Variants in PTPRD observed in about 807,000 individuals in gnomAD.
The protein encoded by PTPRD is protein tyrosine phosphatase receptor type D.
A neutral mutation model predicts 214.5 loss-of-function variants in PTPRD; 34 were observed. That is an observed-to-expected ratio of 0.16 (90% CI 0.12 to 0.21). The LOEUF (loss-of-function observed/expected upper bound fraction) is 0.21. Ranked by LOEUF, PTPRD falls within the 10% of genes least tolerant of loss-of-function variation. PTPRD has a pLI of 1.00. For synonymous variants in PTPRD, 1,128 were observed against 845.7 expected, an observed-to-expected ratio of 1.33 and a Z score of -5.79; for missense variants, 2,545 against 2,398.7, an observed-to-expected ratio of 1.06 and a Z score of -1.27.
At chr9:10,065,904 T>A (rs2097871632) in intron 3 of PTPRD, among the ~76,000 whole-genome samples, 1 of 151,992 alleles carries the variant, frequency 6.6e-6, no homozygotes, top group Non-Finnish European at 1.5e-5. Flanking sequence ...TTAGTATTTC[T>A]TTGATGTTAC....
chr9:9,078,650 T>A lies in PTPRD; in HGVS notation c.-142-59915A>T, dbSNP rs575480097. On this transcript the variant is annotated intron_variant, in intron 10 of 45. Coordinates refer to ENST00000381196, the MANE Select transcript of PTPRD (RefSeq NM_002839.4). ...AAAGGAGTTGTGTTTAGAAGGTTTT[T>A]TTTACTGGGGAGTGTTCTCAGGAGA... Among the ~76,000 whole-genome samples the A allele has an allele frequency of 1.2e-4, 18 of 151,932 alleles. No individual in the cohort carries two copies. In the South Asian group the frequency reaches 3.3e-3, roughly 28 times the overall value.
At chr9:10,350,126 T>G (rs2097157558) in intron 2 of PTPRD, among the ~76,000 whole-genome samples, 1 of 151,796 alleles carries the variant, frequency 6.6e-6, no homozygotes, top group African/African-American at 2.4e-5. Context: ...ACCCATTTCA[T>G]TGGTGTGCAG....
intron 12 of PTPRD, among the ~76,000 whole-genome samples, chr9:8,693,319 G>A (rs550963218): frequency 2.6e-5 from 4 of 152,188 alleles, no homozygotes; most frequent in African/African-American, 9.6e-5. Context: ...ACTCCCACAC[G>A]GGATCATTCA....
intron 2 of PTPRD, among the ~76,000 whole-genome samples, chr9:10,345,781 G>C (rs574542698): frequency 6.6e-6 from 1 of 152,186 alleles, no homozygotes; most frequent in Non-Finnish European, 1.5e-5. Flanking sequence ...TATAATCCCA[G>C]TAATGGGATT....
chr9:9,027,129 C>A (rs2099590028), intron 10 of PTPRD, among the ~76,000 whole-genome samples: 1 of 151,708 alleles, frequency 6.6e-6, no homozygotes, highest in Non-Finnish European at 1.5e-5. Context: ...TGCATGACAT[C>A]TGGCATACAT....
chr9:8,376,573 A>G (rs13284080), intron 38 of PTPRD, 34 bp downstream of exon 38: 1 of 1,611,802 alleles, frequency 6.2e-7, no homozygotes, highest in Non-Finnish European at 8.5e-7. Context: ...ACAATAGAGA[A>G]GGGAAAGGGA....
chr9:9,880,012 A>C (rs2068132930), intron 5 of PTPRD, among the ~76,000 whole-genome samples: 1 of 152,048 alleles, frequency 6.6e-6, no homozygotes, highest in Non-Finnish European at 1.5e-5. Context: ...CCCCACCCAA[A>C]TCTCATCTCT....
intron 11 of PTPRD, among the ~76,000 whole-genome samples, chr9:8,789,842 T>C (rs1389743915): frequency 6.6e-6 from 1 of 152,118 alleles, no homozygotes; most frequent in Non-Finnish European, 1.5e-5. Context: ...AAATTAACAC[T>C]ATAAAACATT....
intron 10 of PTPRD, among the ~76,000 whole-genome samples, chr9:9,159,763 G>A (rs1053465412): frequency 6.6e-6 from 1 of 152,072 alleles, no homozygotes; most frequent in African/African-American, 2.4e-5. Context: ...AACTATTTGA[G>A]CAAAAAGAAT....
intron 11 of PTPRD, among the ~76,000 whole-genome samples, chr9:8,849,171 ATTTTTTTTTTT>A (rs746565485): frequency 0.011 from 1,247 of 108,758 alleles, 18 homozygotes; most frequent in African/African-American, 0.037. Flanking sequence ...TCAAAAAAAA[ATTTTTTTTTTT>A]TTTTTTTTTT....
At chr9:9,108,941 C>G (rs569018700) in intron 10 of PTPRD, among the ~76,000 whole-genome samples, 2 of 152,100 alleles carry the variant, frequency 1.3e-5, no homozygotes, top group East Asian at 1.9e-4. Context: ...CTTAGAGATA[C>G]GACTGGCATC....
At chr9:10,422,936 C>T (rs1019301690) in intron 2 of PTPRD, among the ~76,000 whole-genome samples, 18 of 151,976 alleles carry the variant, frequency 1.2e-4, no homozygotes, top group African/African-American at 4.3e-4. Flanking sequence ...ACCATTTGAC[C>T]CAGCCATCCC....
chr9:9,626,502 G>A (rs1225548535), intron 7 of PTPRD, among the ~76,000 whole-genome samples: 1 of 152,126 alleles, frequency 6.6e-6, no homozygotes, highest in Non-Finnish European at 1.5e-5. Context: ...ATTGAAACCT[G>A]TGTTGGCACT....
At chr9:10,170,793 C>T (rs889580437) in intron 3 of PTPRD, among the ~76,000 whole-genome samples, 8 of 152,144 alleles carry the variant, frequency 5.3e-5, no homozygotes, top group African/African-American at 1.9e-4. Flanking sequence ...CTTCCAGTTG[C>T]TTTTCTATGT....
rs188258554 is a variant in PTPRD at position 8,491,918 on chromosome 9, G to C, written c.2467+944C>G. Among the ~76,000 whole-genome samples, 507 of 152,226 alleles carry C rather than the reference G, an allele frequency of 3.3e-3. 5 individuals carry two copies. The highest frequency in any genetic ancestry group is 2.1e-3 in the Non-Finnish European group (146 of 68,028). ...TTCGGGCAGAGTAAATCAAATCATG[G>C]TTTACATGTTCACGGGAGATTGCCA... On this transcript the variant is annotated intron_variant, in intron 27 of 45. Transcript: ENST00000381196.
chr9:9,548,412 T>C (rs867023032), intron 8 of PTPRD, among the ~76,000 whole-genome samples: 18 of 148,810 alleles, frequency 1.2e-4, no homozygotes, highest in South Asian at 1.1e-3. Context: ...TTTCTTTTTT[T>C]TTTTTTTTTT....
intron 14 of PTPRD, among the ~76,000 whole-genome samples, chr9:8,630,899 A>G (rs953938259): frequency 6.6e-6 from 1 of 151,196 alleles, no homozygotes; most frequent in Non-Finnish European, 1.5e-5. Context: ...CATGACTGCC[A>G]TTAATTCCTT....
At position 8,493,958 on chromosome 9, in the gene PTPRD, G is replaced by A. The variant is rs575003447; in HGVS notation, c.2350-979C>T. Among the ~76,000 whole-genome samples, 20 of 151,350 alleles carry A rather than the reference G, an allele frequency of 1.3e-4. No individual in the cohort carries two copies. The South Asian group carries it at 3.1e-3, about 24-fold the overall frequency. On this transcript the variant is annotated intron_variant, in intron 26 of 45. Transcript: ENST00000381196. ...ATACCAGAGCTGCATGTACACATGCGCGCGTACACAGACACATGCGCACAC... is the reference window on the plus strand; with the variant it reads ...ATACCAGAGCTGCATGTACACATGCACGCGTACACAGACACATGCGCACAC...
intron 9 of PTPRD, among the ~76,000 whole-genome samples, chr9:9,271,085 C>A (rs1942717915): frequency 6.6e-6 from 1 of 151,050 alleles, no homozygotes; most frequent in Admixed American, 6.6e-5. Flanking sequence ...ACCGATTGGG[C>A]TACTAAGATA....
Sources: gnomAD v4.1 joint callset for allele counts (sites outside exome capture counted in the v4.1 genomes callset) on GRCh38, gnomAD v4.1.1 for gene constraint, MANE v1.5 for transcripts, NCBI Gene and HGNC (gene_info 2026-07-23, HGNC 2026-07-21) for gene names.